SBF2: variants seen among roughly 807,000 people sequenced by gnomAD.
SBF2 encodes myotubularin-related protein 13.
SBF2 carries 112 observed loss-of-function variants against 225.2 expected under a neutral mutation model. The ratio of observed to expected loss-of-function variants is 0.50; its 90% CI spans 0.43 to 0.58. SBF2 has a LOEUF of 0.58. SBF2 is among the 20% of genes least tolerant of loss of function. The pLI is 0.00. For missense variants in SBF2, 1,996 were observed against 2,206.2 expected, an observed-to-expected ratio of 0.90 and a Z score of 1.91; for synonymous variants, 763 against 773.3, an observed-to-expected ratio of 0.99 and a Z score of 0.22.
rs960914896 is a variant in SBF2 at position 10,239,174 on chromosome 11, A to C, written c.56-45187T>G. ...ATATATAAACCACTGCACAAACTAC[A>C]GAATAAAATCCTTTTCAAGCTCATA... On this transcript the variant is annotated intron_variant, in intron 1 of 39. Coordinates refer to ENST00000256190, the MANE Select transcript of SBF2 (RefSeq NM_030962.4). Among the ~76,000 whole-genome samples the C allele has an allele frequency of 1.0e-4, 15 of 150,630 alleles. 1 individual carries two copies. Among genetic ancestry groups the C allele is most frequent in the Admixed American group, 9.9e-4 (15 of 15,094 alleles).
chr11:9,903,189 G>A (rs1272300012), intron 16 of SBF2, among the ~76,000 whole-genome samples: 1 of 152,082 alleles, frequency 6.6e-6, no homozygotes, highest in East Asian at 1.9e-4. Context: ...AGGTGTGGTG[G>A]CAGGCATCTG....
chr11:10,161,728 G>C (rs1338767415), intron 2 of SBF2, among the ~76,000 whole-genome samples: 2 of 150,834 alleles, frequency 1.3e-5, no homozygotes, highest in Non-Finnish European at 2.9e-5. Context: ...GCTCACGCCA[G>C]TAATCCCAAC....
intron 2 of SBF2, among the ~76,000 whole-genome samples, chr11:10,097,024 T>G (rs1279499106): frequency 6.6e-6 from 1 of 152,242 alleles, no homozygotes; most frequent in African/African-American, 2.4e-5. Flanking sequence ...AAAAGGCCCC[T>G]AAAATTCATG....
chr11:9,896,268 T>A (rs1163149566), intron 16 of SBF2, among the ~76,000 whole-genome samples: 2 of 152,188 alleles, frequency 1.3e-5, no homozygotes, highest in African/African-American at 4.8e-5. Context: ...GAGAAAGGTA[T>A]TTTCATACAT....
intron 2 of SBF2, among the ~76,000 whole-genome samples, chr11:10,048,954 A>G (rs1949968837): frequency 1.3e-5 from 2 of 152,234 alleles, no homozygotes; most frequent in South Asian, 4.1e-4. Context: ...AACCTTTAAG[A>G]AACTACTATT....
intron 17 of SBF2, among the ~76,000 whole-genome samples, chr11:9,878,005 T>G (rs1859417139): frequency 6.6e-6 from 1 of 152,198 alleles, no homozygotes. Context: ...TCATTTACAC[T>G]CCCACCAACA....
In SBF2 at chr11:9,994,006, A is replaced by G; in HGVS notation, c.976-8T>C. The G allele has an allele frequency of 8.3e-7, 1 of 1,207,302 alleles. No individual in the cohort carries two copies. The highest frequency in any genetic ancestry group is 1.2e-6 in the Non-Finnish European group (1 of 808,632). 74.8% of individuals were successfully genotyped at this position (1,207,302 alleles called of 1,614,324 possible). On this transcript the variant is annotated splice_polypyrimidine_tract_variant and splice_region_variant and intron_variant, in intron 9 of 39. Coordinates refer to ENST00000256190, the MANE Select transcript of SBF2 (RefSeq NM_030962.4). ...CAAATCTGGGTGTAAAATCTAAAGCAAAAAAGTTTTGTTATGTAAAATATC... is the reference window on the plus strand; with the variant it reads ...CAAATCTGGGTGTAAAATCTAAAGCGAAAAAGTTTTGTTATGTAAAATATC...
intron 1 of SBF2, among the ~76,000 whole-genome samples, chr11:10,222,187 T>C (rs1263737603): frequency 1.3e-5 from 2 of 152,172 alleles, no homozygotes; most frequent in South Asian, 4.1e-4. Context: ...AGGAATATAA[T>C]GGAATTCAGA....
chr11:9,856,693 C>G lies in SBF2; in HGVS notation c.2128G>C (p.Glu710Gln). 1 of 1,614,008 alleles carries G rather than the reference C, an allele frequency of 6.2e-7. No homozygotes were observed. Among genetic ancestry groups the G allele is most frequent in the South Asian group, 1.1e-5 (1 of 91,078 alleles). Residue 710 changes from glutamate (E) to glutamine (Q), a missense_variant, in exon 19 of 40, where the codon GAG (glutamate) becomes CAG (glutamine). Coordinates refer to ENST00000256190, the MANE Select transcript of SBF2 (RefSeq NM_030962.4). ...GCTGCCAGGTCCATTGCTGTCTTCT[C>G]CTGATAATGGTCATCAGGAAGCTTA... is the stretch of plus-strand genomic sequence containing the variant. ...KDKLPDDHYQ[E>Q]KTAMDLAAEQ... is the part of the protein sequence containing the mutation.
intron 1 of SBF2, among the ~76,000 whole-genome samples, chr11:10,249,200 A>G (rs1960095963): frequency 6.6e-6 from 1 of 152,210 alleles, no homozygotes. Flanking sequence ...TAAAAGCACA[A>G]CAGGGTTTTC....
chr11:9,934,369 C>T (rs1253180080), intron 16 of SBF2, among the ~76,000 whole-genome samples: 1 of 152,172 alleles, frequency 6.6e-6, no homozygotes, highest in African/African-American at 2.4e-5. Flanking sequence ...CCGAATTCTA[C>T]CAGAGGTACA....
chr11:9,951,362 G>C (rs879753839), intron 16 of SBF2, among the ~76,000 whole-genome samples: 1 of 152,172 alleles, frequency 6.6e-6, no homozygotes, highest in Non-Finnish European at 1.5e-5. Context: ...ATGGAGAACA[G>C]TTATATTATA....
intron 1 of SBF2, among the ~76,000 whole-genome samples, chr11:10,219,789 A>G (rs1958276481): frequency 6.6e-6 from 1 of 152,126 alleles, no homozygotes; most frequent in African/African-American, 2.4e-5. Context: ...CCAGTTCCCA[A>G]CAAGTTTCTC....
intron 1 of SBF2, among the ~76,000 whole-genome samples, chr11:10,251,047 T>C (rs973963565): frequency 6.6e-6 from 1 of 152,216 alleles, no homozygotes; most frequent in Non-Finnish European, 1.5e-5. Flanking sequence ...ACAATAGAAA[T>C]GTAAAGGGGG....
rs553961639 is a variant in SBF2, at chr11:10,209,726, G to A, written c.56-15739C>T. 9.5e-4 allele frequency among the ~76,000 whole-genome samples: 145 copies of A among 152,116 alleles called. 1 individual carries two copies. The highest frequency in any genetic ancestry group is 3.4e-3 in the Middle Eastern group (1 of 294). ...CATTCTCTATCTCAGAGAATGGCAC[G>A]TTATCCATCTAAGCATTCAGTGTCT... On this transcript the variant is annotated intron_variant, in intron 1 of 39. Coordinates refer to ENST00000256190, the MANE Select transcript of SBF2 (RefSeq NM_030962.4).
chr11:9,862,739 A>AT (rs562151948), intron 17 of SBF2, among the ~76,000 whole-genome samples: 1 of 152,042 alleles, frequency 6.6e-6, no homozygotes, highest in South Asian at 2.1e-4. Flanking sequence ...ATTTAAAAAA[A>AT]TTTTTTTTAT....
At chr11:10,239,988 C>T (rs1420765091) in intron 1 of SBF2, among the ~76,000 whole-genome samples, 2 of 152,062 alleles carry the variant, frequency 1.3e-5, no homozygotes, top group East Asian at 3.9e-4. Context: ...CAAGAAGACC[C>T]AATCAGCACT....
At position 9,842,745 on chromosome 11, in the gene SBF2, C is replaced by A. The variant is rs747335187; in HGVS notation, c.3136G>T (p.Gly1046Cys). The change falls in exon 25 of 40, where the codon GGT becomes TGT. Residue 1046 changes from glycine (G) to cysteine (C), a missense_variant. Coordinates refer to ENST00000256190, the MANE Select transcript of SBF2 (RefSeq NM_030962.4). Reference sequence around the variant, plus strand: ...GTCATTTTCCCTGCCCTTTTGGCACCTTTCACAATTGTTTTTGAGAAGGTA... The same window carrying A: ...GTCATTTTCCCTGCCCTTTTGGCACATTTCACAATTGTTTTTGAGAAGGTA... ...FRTFSKTIVKGAKRAGKMTIG... is the reference protein window; with the variant it reads ...FRTFSKTIVKCAKRAGKMTIG... The A allele has an allele frequency of 6.2e-7, 1 of 1,614,102 alleles. No homozygotes were observed. Among genetic ancestry groups the A allele is most frequent in the Non-Finnish European group, 8.5e-7 (1 of 1,179,994 alleles).
In SBF2 at chr11:9,780,735, GAC is replaced by G; in HGVS notation, c.5452-221_5452-220del. ...TAGAAGGGTACTGGCAGGAAAGGGA[GAC>G]ACACTGGGAGCGCCTTATTTTGCAT... On this transcript the variant is annotated intron_variant, in intron 39 of 39. Transcript: ENST00000256190. 7.1e-6 allele frequency: 4 copies of G among 566,008 alleles called. No homozygotes were observed. The South Asian group carries it at 7.7e-5, about 11-fold the overall frequency. 35.1% of individuals were successfully genotyped at this position (566,008 alleles called of 1,614,324 possible). A position where few individuals can be genotyped will look rare whatever the true frequency, so the allele number is the denominator to read the frequency against.
Sources: gnomAD v4.1 joint callset for allele counts (sites outside exome capture counted in the v4.1 genomes callset) on GRCh38, gnomAD v4.1.1 for gene constraint, MANE v1.5 for transcripts, NCBI Gene and HGNC (gene_info 2026-07-23, HGNC 2026-07-21) for gene names.